Variants in DNAH3 observed in about 807,000 individuals in gnomAD.
DNAH3 encodes the protein dynein axonemal heavy chain 3, also known as axonemal beta dynein heavy chain 3.
In DNAH3, 332 loss-of-function variants were observed where a neutral mutation model predicts 432.5. That is an observed-to-expected ratio of 0.77 (90% CI 0.70 to 0.84). The LOEUF is 0.84. Ranked by LOEUF, DNAH3 falls within the 40% of genes least tolerant of loss-of-function variation. The pLI, the probability that DNAH3 is intolerant of heterozygous loss-of-function variation, is 0.00. For missense variants in DNAH3, 4,861 were observed against 5,114.0 expected, an observed-to-expected ratio of 0.95 and a Z score of 1.51; for synonymous variants, 1,956 against 1,900.2, an observed-to-expected ratio of 1.03 and a Z score of -0.76.
chr16:20,948,686 C>A (rs373747278), intron 56 of DNAH3, 49 bp from the exon 57 acceptor site: 1 of 1,600,996 alleles, frequency 6.2e-7, no homozygotes, highest in East Asian at 2.2e-5. Context: ...AAGGTCATCA[C>A]GAGCTTGGTG....
exon 53 of DNAH3, chr16:20,963,312 C>T: frequency 6.2e-7 from 1 of 1,613,984 alleles, no homozygotes; most frequent in East Asian, 2.2e-5. Context: ...TTGGAGACAA[C>T]ACAAAAATCA....
chr16:20,951,726 C>T (rs1233145371), intron 56 of DNAH3, among the ~76,000 whole-genome samples: 4 of 146,382 alleles, frequency 2.7e-5, no homozygotes, highest in South Asian at 2.2e-4. Flanking sequence ...TGATCCACTG[C>T]GCCTGGCCCG....
At chr16:21,145,127 T>TA in intron 3 of DNAH3, 54 bp downstream of exon 4, 2 of 1,404,432 alleles carry the variant, frequency 1.4e-6, no homozygotes, top group Non-Finnish European at 2.0e-6. Context: ...AATAAATAAA[T>TA]AAAAATTTCC....
intron 12 of DNAH3, among the ~76,000 whole-genome samples, chr16:21,114,529 TC>T (rs2092141982): frequency 6.6e-6 from 1 of 152,092 alleles, no homozygotes; most frequent in African/African-American, 2.4e-5. Flanking sequence ...CAATGAGAAA[TC>T]CGTGGAACTG....
At chr16:20,935,758 G>A (rs1055103807) in intron 60 of DNAH3, among the ~76,000 whole-genome samples, 3 of 151,098 alleles carry the variant, frequency 2.0e-5, no homozygotes, top group African/African-American at 4.9e-5. Context: ...CAGGAGAATC[G>A]CTTGAACCCA....
chr16:21,043,018 T>A (rs1047530687), intron 31 of DNAH3, among the ~76,000 whole-genome samples: 7 of 152,340 alleles, frequency 4.6e-5, no homozygotes, highest in Admixed American at 2.0e-4. Flanking sequence ...TTTTTATGGC[T>A]GCATAGTATT....
At position 21,086,863 on chromosome 16, in the gene DNAH3, G is replaced by A. The variant is rs143179083; in HGVS notation, c.2863C>T (p.Arg955Ter). The change falls in exon 19 of 62, where the codon CGA becomes TGA. Residue 955 changes from arginine (R) to a stop codon, truncating the protein, a stop_gained. Transcript: ENST00000261383. LOFTEE classifies it high-confidence loss of function. ...TTGATAGAAACCTGCTGCCAGTGTC[G>A]GTCTTTCATTCCTGGGTTGCAGGAA... 48 of 1,613,916 alleles carry A rather than the reference G, an allele frequency of 3.0e-5. No individual in the cohort carries two copies. In the African/African-American group the frequency reaches 3.1e-4, roughly 10 times the overall value.
intron 48 of DNAH3, among the ~76,000 whole-genome samples, chr16:20,984,029 G>GAAAAAAAAAAAAAAAAA (rs61475224): frequency 1.2e-4 from 14 of 112,150 alleles, no homozygotes; most frequent in African/African-American, 4.5e-4. Context: ...CCTATATCCA[G>GAAAAAAAAAAAAAAAAA]AAAAAAAAAA....
intron 36 of DNAH3, among the ~76,000 whole-genome samples, chr16:21,033,269 G>C (rs1409204793): frequency 1.3e-5 from 2 of 152,120 alleles, no homozygotes; most frequent in African/African-American, 4.8e-5. Context: ...AGCAATGCAT[G>C]CACGAAAAGG....
chr16:21,083,316 A>T (rs1183936244), intron 19 of DNAH3, among the ~76,000 whole-genome samples: 1 of 152,054 alleles, frequency 6.6e-6, no homozygotes, highest in East Asian at 1.9e-4. Flanking sequence ...GCACCTGGCC[A>T]GACCAGGAGA....
Position 20,979,312 on chromosome 16 carries a change from T to C in DNAH3, c.8076+18A>G, listed in dbSNP as rs1304576536. On this transcript the variant is annotated intron_variant, in intron 50 of 61. Transcript: ENST00000261383. The stretch of plus-strand genomic sequence containing the variant: ...GTCCCGGGCCTCTTTGTCTCTGTTC[T>C]GTTTTGGCAGTGCTCACCTGAGAAG... The C allele has an allele frequency of 6.8e-6, 11 of 1,612,890 alleles. No homozygotes were observed. The highest frequency in any genetic ancestry group is 9.3e-6 in the Non-Finnish European group (11 of 1,179,654).
chr16:20,952,857 G>A (rs574461887), intron 55 of DNAH3, among the ~76,000 whole-genome samples: 8 of 152,110 alleles, frequency 5.3e-5, no homozygotes, highest in Non-Finnish European at 1.5e-5. Flanking sequence ...GGTAATGCAC[G>A]GAGCTCCAAA....
chr16:21,127,269 G>A (rs1393018700), intron 8 of DNAH3, among the ~76,000 whole-genome samples: 1 of 151,728 alleles, frequency 6.6e-6, no homozygotes, highest in Non-Finnish European at 1.5e-5. Flanking sequence ...AAGAGGACAC[G>A]AGGCCAGGCG....
At chr16:21,100,426 A>G (rs576734614) in intron 16 of DNAH3, among the ~76,000 whole-genome samples, 11 of 152,108 alleles carry the variant, frequency 7.2e-5, no homozygotes, top group Admixed American at 4.6e-4. Flanking sequence ...GTAATTTTAG[A>G]CTCTGGTCAG....
chr16:21,141,096 G>C (rs562610716), intron 4 of DNAH3, among the ~76,000 whole-genome samples: 1 of 152,018 alleles, frequency 6.6e-6, no homozygotes, highest in Middle Eastern at 3.4e-3. Flanking sequence ...CTGAGATCAT[G>C]CCACTGCACT....
intron 31 of DNAH3, among the ~76,000 whole-genome samples, chr16:21,047,784 G>GT (rs2089772131): frequency 6.6e-6 from 1 of 151,468 alleles, no homozygotes; most frequent in African/African-American, 2.4e-5. Context: ...TTTCTGTTCT[G>GT]TTTTTTCCCC....
At chr16:21,159,305 G>A (rs959354456) in intron 1 of DNAH3, 4 of 1,602,788 alleles carry the variant, frequency 2.5e-6, no homozygotes, top group Non-Finnish European at 3.4e-6. Flanking sequence ...TGCCTTCTGG[G>A]ACGCGGACCC....
At chr16:21,066,782 T>C (rs993556814) in intron 24 of DNAH3, among the ~76,000 whole-genome samples, 1 of 152,168 alleles carries the variant, frequency 6.6e-6, no homozygotes, top group Non-Finnish European at 1.5e-5. Context: ...TTTGATGGTA[T>C]AAAAAAATTG....
intron 44 of DNAH3, 46 bp downstream of exon 44, chr16:20,997,237 T>C: frequency 6.3e-7 from 1 of 1,588,792 alleles, no homozygotes; most frequent in African/African-American, 1.3e-5. Flanking sequence ...GGCCCAGCTC[T>C]GCTGGGGATG....
Sources: allele counts gnomAD v4.1 joint callset (sites outside exome capture counted in the v4.1 genomes callset), GRCh38; gene constraint gnomAD v4.1.1; transcripts MANE v1.5; gene names NCBI Gene and HGNC (gene_info 2026-07-23, HGNC 2026-07-21).